Variants in YTHDF3 observed in about 807,000 individuals in gnomAD.
YTHDF3 encodes the protein YTH domain-containing family protein 3.
A neutral mutation model predicts 52.5 loss-of-function variants in YTHDF3; 9 were observed. The ratio of observed to expected loss-of-function variants is 0.17; its 90% CI spans 0.10 to 0.30. The LOEUF (loss-of-function observed/expected upper bound fraction) is 0.30, where lower values mean the gene tolerates loss of function less well. YTHDF3 is among the 10% of genes least tolerant of loss of function. The probability of loss-of-function intolerance (pLI) is 1.00; values close to 1 mark genes in which losing one functional copy is unlikely to be tolerated. For missense variants in YTHDF3, 534 were observed against 715.0 expected, an observed-to-expected ratio of 0.75 and a Z score of 2.89; for synonymous variants, 274 against 243.3, an observed-to-expected ratio of 1.13 and a Z score of -1.18.
intron 3 of YTHDF3, among the ~76,000 whole-genome samples, chr8:63,181,529 CT>C (rs1371607746): frequency 6.6e-6 from 1 of 152,156 alleles, no homozygotes; most frequent in East Asian, 1.9e-4. Flanking sequence ...CTTTCACGAT[CT>C]CAATTTTTGT....
intron 3 of YTHDF3, 118 bp downstream of exon 3, chr8:63,175,534 C>T (rs1261653194): frequency 2.5e-6 from 2 of 810,044 alleles, no homozygotes; most frequent in Non-Finnish European, 4.0e-6. Flanking sequence ...ATCTAGTGTA[C>T]CTATATAGTA....
chr8:63,176,687 C>G (rs78802755), intron 3 of YTHDF3, among the ~76,000 whole-genome samples: 1 of 134,368 alleles, frequency 7.4e-6, no homozygotes, highest in African/African-American at 2.8e-5. Flanking sequence ...TTTTTTTTTT[C>G]TTTAATTTTT....
chr8:63,202,243 A>G (rs1809686539), intron 4 of YTHDF3, among the ~76,000 whole-genome samples: 1 of 152,216 alleles, frequency 6.6e-6, no homozygotes, highest in Admixed American at 6.5e-5. Context: ...CTTTCCCCTG[A>G]TAACTATATA....
rs193220472 is a variant in YTHDF3 at position 63,209,849 on chromosome 8, G to A, written c.*143G>A. ...CTTTAACACAAAGTTGACTCTTCTC[G>A]TAATGGTTTTCATCAGCGCATCTGC... On this transcript the variant is annotated 3_prime_UTR_variant, in exon 5 of 5. Transcript: ENST00000539294. The A allele has an allele frequency of 4.9e-6, 4 of 808,294 alleles. No homozygotes were observed. Among genetic ancestry groups the A allele is most frequent in the East Asian group, 5.5e-5 (2 of 36,614 alleles). 50.1% of individuals were successfully genotyped at this position (808,294 alleles called of 1,614,324 possible).
intron 3 of YTHDF3, among the ~76,000 whole-genome samples, chr8:63,177,495 T>C (rs1807775570): frequency 6.6e-6 from 1 of 152,244 alleles, no homozygotes. Flanking sequence ...TTTACTATAT[T>C]CTGGCTCACA....
intron 4 of YTHDF3, 44 bp downstream of exon 4, chr8:63,187,789 G>T: frequency 6.6e-7 from 1 of 1,524,626 alleles, no homozygotes; most frequent in Non-Finnish European, 8.8e-7. Flanking sequence ...TGTATTGCTG[G>T]TGGGGTGCAT....
At chr8:63,206,788 T>C (rs905251023) in intron 4 of YTHDF3, among the ~76,000 whole-genome samples, 1 of 152,198 alleles carries the variant, frequency 6.6e-6, no homozygotes, top group Non-Finnish European at 1.5e-5. Context: ...TAAGTTTGTT[T>C]CTCTTTTCTA....
chr8:63,172,855 T>C, intron 2 of YTHDF3: 2 of 1,192,326 alleles, frequency 1.7e-6, no homozygotes, highest in Non-Finnish European at 2.1e-6. Flanking sequence ...GGAACTAGCT[T>C]GGATTTCATT....
At chr8:63,182,137 T>G (rs908213567) in intron 3 of YTHDF3, among the ~76,000 whole-genome samples, 4 of 151,686 alleles carry the variant, frequency 2.6e-5, no homozygotes, top group Non-Finnish European at 5.9e-5. Context: ...AGTGTGATCA[T>G]AGTTCACTGC....
chr8:63,193,374 C>CA (rs758787473), intron 4 of YTHDF3, among the ~76,000 whole-genome samples: 4,405 of 52,266 alleles, frequency 0.084, 88 homozygotes, highest in Non-Finnish European at 0.092. Context: ...AGACTCCGTC[C>CA]AAAAAAAAAA....
intron 4 of YTHDF3, among the ~76,000 whole-genome samples, chr8:63,190,152 G>T (rs1808822005): frequency 6.6e-6 from 1 of 152,190 alleles, no homozygotes; most frequent in South Asian, 2.1e-4. Flanking sequence ...TAGGCAGTTA[G>T]ATGTCCGAGT....
At chr8:63,202,524 C>T (rs1264326125) in intron 4 of YTHDF3, among the ~76,000 whole-genome samples, 1 of 150,714 alleles carries the variant, frequency 6.6e-6, no homozygotes, top group Non-Finnish European at 1.5e-5. Context: ...TGCAATGGCA[C>T]GATCTTGGCT....
intron 2 of YTHDF3, chr8:63,172,788 C>A (rs897665028): frequency 8.1e-7 from 1 of 1,231,276 alleles, no homozygotes; most frequent in Non-Finnish European, 1.0e-6. Flanking sequence ...AGGAAACAGG[C>A]GAAGAATCAT....
In YTHDF3 at chr8:63,178,818, A is replaced by G. The variant is rs191795375; in HGVS notation, c.135+3402A>G. On this transcript the variant is annotated intron_variant, in intron 3 of 4. Coordinates refer to ENST00000539294, the MANE Select transcript of YTHDF3 (RefSeq NM_152758.6). The stretch of plus-strand genomic sequence containing the variant: ...CAATTATCTAGCTAGAAAATTAAAT[A>G]AAATGTTTGGACCTTTTAAATAGTG... Among the ~76,000 whole-genome samples, 595 of 152,312 alleles carry G rather than the reference A, an allele frequency of 3.9e-3. 1 individual carries two copies. Among genetic ancestry groups the G allele is most frequent in the African/African-American group, 0.014 (583 of 41,558 alleles).
intron 4 of YTHDF3, among the ~76,000 whole-genome samples, chr8:63,197,036 C>T (rs1013410131): frequency 2.6e-5 from 4 of 152,264 alleles, no homozygotes; most frequent in South Asian, 2.1e-4. Context: ...CTACTTAATT[C>T]GCATTATGGT....
At chr8:63,196,823 A>G (rs1463676433) in intron 4 of YTHDF3, among the ~76,000 whole-genome samples, 3 of 152,146 alleles carry the variant, frequency 2.0e-5, no homozygotes, top group Non-Finnish European at 4.4e-5. Flanking sequence ...GTGTAGACTT[A>G]AAAGAGCTTA....
At chr8:63,173,213 T>TATATATATATATATATATATATATATAA (rs947970396) in intron 2 of YTHDF3, among the ~76,000 whole-genome samples, 1 of 146,104 alleles carries the variant, frequency 6.8e-6, no homozygotes, top group Non-Finnish European at 1.5e-5. Context: ...TATATATATA[T>TATATATATATATATATATATATATATAA]ACAGATAAAT....
At chr8:63,195,408 C>T (rs888155899) in intron 4 of YTHDF3, among the ~76,000 whole-genome samples, 1 of 152,064 alleles carries the variant, frequency 6.6e-6, no homozygotes, top group Admixed American at 6.5e-5. Flanking sequence ...AAATTAGAGA[C>T]ATAATTATCA....
chr8:63,198,364 T>C (rs1033509682), intron 4 of YTHDF3, among the ~76,000 whole-genome samples: 4 of 152,170 alleles, frequency 2.6e-5, no homozygotes, highest in Admixed American at 2.0e-4. Context: ...CCTTCGGGAT[T>C]CAAACGATTC....
Sources: allele counts gnomAD v4.1 joint callset (sites outside exome capture counted in the v4.1 genomes callset), GRCh38; gene constraint gnomAD v4.1.1; transcripts MANE v1.5; gene names NCBI Gene and HGNC (gene_info 2026-07-23, HGNC 2026-07-21).